TERF1: variants seen among roughly 807,000 people sequenced by gnomAD.
The protein encoded by TERF1 is telomeric repeat-binding factor 1.
Under a neutral mutation model 55.1 loss-of-function variants are expected in TERF1, and 20 were observed. The ratio of observed to expected loss-of-function variants is 0.36; its 90% CI spans 0.26 to 0.53. The LOEUF (loss-of-function observed/expected upper bound fraction) is 0.53. Ranked by LOEUF, TERF1 falls within the 20% of genes least tolerant of loss-of-function variation. The probability of loss-of-function intolerance (pLI) is 0.91; values close to 1 mark genes in which losing one functional copy is unlikely to be tolerated. For missense variants in TERF1, 439 were observed against 535.7 expected (o/e 0.82, Z 1.78); for synonymous variants, 168 against 181.2 (o/e 0.93, Z 0.59).
In TERF1 at chr8:73,046,101, G is replaced by A. The variant is rs946148949; in HGVS notation, c.1284G>A (p.Lys428=). ...TAAAAGACAGATGGAGGACCATGAA[G>A]AAACTAAAACTGATTTCCTCAGACA... ...VMLKDRWRTM[K]KLKLISSDSE... is the part of the protein sequence containing the mutation. The change falls in exon 10 of 10, where the codon AAG becomes AAA. Residue 428 remains lysine, a synonymous_variant. Coordinates refer to ENST00000276603, the MANE Select transcript of TERF1 (RefSeq NM_017489.3). 1 of 1,604,160 alleles carries A rather than the reference G, an allele frequency of 6.2e-7. No homozygotes were observed. Among genetic ancestry groups the A allele is most frequent in the Non-Finnish European group, 8.5e-7 (1 of 1,176,812 alleles).
chr8:73,037,737 A>AT (rs1216296874), intron 8 of TERF1, among the ~76,000 whole-genome samples: 1 of 83,516 alleles, frequency 1.2e-5, no homozygotes, highest in South Asian at 2.6e-4. Flanking sequence ...ATATAGTATG[A>AT]AATATATATT....
At chr8:73,014,432 T>A (rs1035283642) in intron 2 of TERF1, among the ~76,000 whole-genome samples, 1 of 26,418 alleles carries the variant, frequency 3.8e-5, no homozygotes, top group Non-Finnish European at 1.5e-4. Flanking sequence ...ACACACTCTG[T>A]TTTTACTGGC....
intron 6 of TERF1, among the ~76,000 whole-genome samples, chr8:73,029,429 A>C (rs879556177): frequency 3.3e-5 from 5 of 152,144 alleles, no homozygotes; most frequent in Non-Finnish European, 7.4e-5. Context: ...GTTTGAGACC[A>C]GCCTAGGCAA....
intron 8 of TERF1, among the ~76,000 whole-genome samples, chr8:73,035,651 A>C (rs954102688): frequency 6.6e-5 from 10 of 152,058 alleles, no homozygotes; most frequent in Non-Finnish European, 1.5e-4. Context: ...ATAATTATGA[A>C]TTTGTCTTTA....
rs79217206 is a variant in TERF1 at position 73,029,699 on chromosome 8, A to T, written c.888-637A>T. ...CTAGATTACTTAAAATATCTAACAC[A>T]GTGTTGAAATAGTTGAGATGGACAG... On this transcript the variant is annotated intron_variant, in intron 6 of 9. Coordinates refer to ENST00000276603, the MANE Select transcript of TERF1 (RefSeq NM_017489.3). 8.4e-3 allele frequency among the ~76,000 whole-genome samples: 1,281 copies of T among 152,310 alleles called. 7 individuals carry two copies. Among genetic ancestry groups the T allele is most frequent in the Non-Finnish European group, 0.013 (888 of 68,032 alleles).
intron 2 of TERF1, 116 bp downstream of exon 2, chr8:73,014,106 G>T: frequency 1.4e-6 from 1 of 729,716 alleles, no homozygotes; most frequent in Non-Finnish European, 2.4e-6. Flanking sequence ...TGGTGCATAG[G>T]GGTGTGGGGG....
At chr8:73,022,555 A>C (rs1808810142) in intron 4 of TERF1, among the ~76,000 whole-genome samples, 1 of 152,196 alleles carries the variant, frequency 6.6e-6, no homozygotes, top group Non-Finnish European at 1.5e-5. Flanking sequence ...CAGGCATTCG[A>C]GACCAGCCTG....
At chr8:73,039,349 T>G (rs1260690107) in intron 9 of TERF1, 130 bp downstream of exon 9, 7 of 614,812 alleles carry the variant, frequency 1.1e-5, no homozygotes, top group Non-Finnish European at 1.7e-5. Context: ...CATCTTTTAT[T>G]TTGCCGTCTT....
chr8:73,034,121 T>G (rs923771130), intron 8 of TERF1, among the ~76,000 whole-genome samples: 17 of 150,406 alleles, frequency 1.1e-4, no homozygotes, highest in Admixed American at 6.6e-4. Flanking sequence ...CCTGCTATTT[T>G]TTTGTTTGTT....
intron 8 of TERF1, among the ~76,000 whole-genome samples, chr8:73,037,504 A>G (rs955177426): frequency 8.1e-6 from 1 of 123,306 alleles, no homozygotes; most frequent in South Asian, 2.2e-4. Context: ...ATAAATTTAT[A>G]TATTTGGAAT....
At chr8:73,037,774 AT>A (rs1222571676) in intron 8 of TERF1, among the ~76,000 whole-genome samples, 1 of 49,724 alleles carries the variant, frequency 2.0e-5, no homozygotes, top group Non-Finnish European at 4.3e-5. Flanking sequence ...AGTATAATAT[AT>A]ATATTATATA....
At chr8:73,010,004 G>A (rs1277932878) in intron 1 of TERF1, 1 of 152,140 alleles carries the variant, frequency 6.6e-6, no homozygotes, top group Non-Finnish European at 1.5e-5. Context: ...TGGGTCTGCA[G>A]GCGTGCACCA....
chr8:73,010,514 A>C (rs886282466), intron 1 of TERF1: 2 of 152,234 alleles, frequency 1.3e-5, no homozygotes, highest in African/African-American at 4.8e-5. Flanking sequence ...CTATACAAAT[A>C]TGTATTTCCT....
At chr8:73,035,161 A>G (rs921015784) in intron 8 of TERF1, among the ~76,000 whole-genome samples, 3 of 152,206 alleles carry the variant, frequency 2.0e-5, no homozygotes, top group Non-Finnish European at 4.4e-5. Flanking sequence ...AGGTCATTCA[A>G]CTTTAGTTAA....
At chr8:73,040,558 G>T (rs1324177185) in intron 9 of TERF1, among the ~76,000 whole-genome samples, 1 of 152,092 alleles carries the variant, frequency 6.6e-6, no homozygotes, top group Non-Finnish European at 1.5e-5. Context: ...TTTTTTTGCA[G>T]TTTGAATATG....
intron 2 of TERF1, among the ~76,000 whole-genome samples, chr8:73,019,276 A>G (rs769956552): frequency 2.0e-5 from 3 of 152,196 alleles, no homozygotes; most frequent in Admixed American, 6.5e-5. Context: ...AAAATAAACT[A>G]TAGTTTACCT....
intron 9 of TERF1, among the ~76,000 whole-genome samples, chr8:73,039,671 T>G (rs1395818674): frequency 6.6e-6 from 1 of 152,106 alleles, no homozygotes; most frequent in Non-Finnish European, 1.5e-5. Flanking sequence ...GTGACTATAG[T>G]CTTGTGCCAT....
At chr8:73,020,847 A>C in intron 3 of TERF1, 42 bp downstream of exon 3, 1 of 1,147,992 alleles carries the variant, frequency 8.7e-7, no homozygotes, top group Non-Finnish European at 1.2e-6. Context: ...TTTCTAGAAA[A>C]TAACATTTAA....
chr8:73,045,007 A>G (rs538659476), intron 9 of TERF1, among the ~76,000 whole-genome samples: 2 of 152,298 alleles, frequency 1.3e-5, no homozygotes, highest in Non-Finnish European at 2.9e-5. Flanking sequence ...ATACCTCTTC[A>G]GGTCCCTGCT....
Sources: allele counts gnomAD v4.1 joint callset (sites outside exome capture counted in the v4.1 genomes callset), GRCh38; gene constraint gnomAD v4.1.1; transcripts MANE v1.5; gene names NCBI Gene and HGNC (gene_info 2026-07-23, HGNC 2026-07-21).